TBC1D15: variants seen among roughly 807,000 people sequenced by gnomAD.
TBC1D15 encodes the protein TBC1 domain family member 15, also known as GAP for RAB7.
In TBC1D15, 39 loss-of-function variants were observed where a neutral mutation model predicts 95.4. That is an observed-to-expected ratio of 0.41 (90% CI 0.32 to 0.53). TBC1D15 has a LOEUF of 0.53. TBC1D15 is among the 20% of genes least tolerant of loss of function. The pLI is 0.29. For missense variants in TBC1D15, 733 were observed against 794.3 expected (o/e 0.92, Z 0.93); for synonymous variants, 258 against 261.3 (o/e 0.99, Z 0.12).
intron 3 of TBC1D15, among the ~76,000 whole-genome samples, chr12:71,877,335 GCTCTTTTAATATGGAA>G (rs1223003519): frequency 6.7e-6 from 1 of 150,142 alleles, no homozygotes; most frequent in Non-Finnish European, 1.5e-5. Context: ...TACTTGATGA[GCTCTTTTAATATGGAA>G]ACTTCTGTCT....
intron 12 of TBC1D15, among the ~76,000 whole-genome samples, chr12:71,915,658 T>G (rs1033952386): frequency 1.2e-4 from 19 of 152,028 alleles, no homozygotes; most frequent in African/African-American, 4.3e-4. Flanking sequence ...AGTCCGTCAT[T>G]TTTTGTGTAT....
Position 71,920,764 on chromosome 12 carries a change from C to A in TBC1D15, c.1633C>A (p.His545Asn). The A allele has an allele frequency of 6.2e-7, 1 of 1,612,646 alleles. No individual in the cohort carries two copies. The highest frequency in any genetic ancestry group is 8.5e-7 in the Non-Finnish European group (1 of 1,179,412). Residue 545 changes from histidine (H) to asparagine (N), a missense_variant, in exon 15 of 17, where the codon CAT (histidine) becomes AAT (asparagine). Transcript: ENST00000485960. Reference sequence around the variant, plus strand: ...GACCGAACTACCATGTACAAATTTCCATCTTCTTCTCTGTTGTGCTATTCT... The same window carrying A: ...GACCGAACTACCATGTACAAATTTCAATCTTCTTCTCTGTTGTGCTATTCT... ...MWTELPCTNFHLLLCCAILES... is the reference protein window; with the variant it reads ...MWTELPCTNFNLLLCCAILES...
intron 9 of TBC1D15, 26 bp downstream of exon 9, chr12:71,896,806 A>G: frequency 6.4e-7 from 1 of 1,574,352 alleles, no homozygotes. Flanking sequence ...TCGTACATTT[A>G]TCAAAGAGAT....
intron 6 of TBC1D15, among the ~76,000 whole-genome samples, chr12:71,894,162 G>C (rs1184956090): frequency 2.0e-5 from 3 of 152,014 alleles, no homozygotes. Flanking sequence ...GGGTAGCACT[G>C]TCCCAGAATA....
rs144688760 is a variant in TBC1D15, at chr12:71,907,113, C to T, written c.1275C>T (p.Thr425=). The T allele has an allele frequency of 2.5e-6, 4 of 1,603,946 alleles. No homozygotes were observed. The highest frequency in any genetic ancestry group is 3.4e-6 in the Non-Finnish European group (4 of 1,173,756). ...GLILLHDILM[T]YCMYDFDLGY... Reference sequence around the variant, plus strand: ...TTTTACTTCATGACATTTTGATGACCTACTGTATGTATGATTTTGATTTAG... The same window carrying T: ...TTTTACTTCATGACATTTTGATGACTTACTGTATGTATGATTTTGATTTAG... Residue 425 remains threonine (T), a synonymous_variant, in exon 11 of 17, where the codon ACC becomes ACT. Transcript: ENST00000485960.
chr12:71,854,856 A>G lies in TBC1D15; in HGVS notation c.30+15045A>G, dbSNP rs972678040. On this transcript the variant is annotated intron_variant, in intron 1 of 16. Coordinates refer to ENST00000485960, the MANE Select transcript of TBC1D15 (RefSeq NM_001146213.3). ...TTCTTCCCTTTCTTTTTCTCAAGGT[A>G]TATTTTTTCATTGTTGAATTTGTAT... is the stretch of plus-strand genomic sequence containing the variant. The G allele has an allele frequency of 6.6e-6, 3 of 456,266 alleles. No homozygotes were observed. The Admixed American group carries it at 7.1e-5, about 11-fold the overall frequency. The allele number at this position is 456,266 out of a possible 1,614,324, so 28.3% of individuals were successfully genotyped here.
At chr12:71,892,293 C>T (rs768420312) in intron 5 of TBC1D15, among the ~76,000 whole-genome samples, 12 of 152,054 alleles carry the variant, frequency 7.9e-5, no homozygotes, top group Non-Finnish European at 2.9e-5. Context: ...TTCATATCCA[C>T]TCTAGCATTA....
At position 71,894,672 on chromosome 12, in the gene TBC1D15, T is replaced by C; in HGVS notation, c.658-14T>C. 6.3e-7 allele frequency: 1 copy of C among 1,597,678 alleles called. No homozygotes were observed. The highest frequency in any genetic ancestry group is 8.5e-7 in the Non-Finnish European group (1 of 1,173,338). ...TGAGTTAATAATGCTAATATTTTTC[T>C]TCCTACTGCATAGAAAATTAAAAAG... is the stretch of plus-strand genomic sequence containing the variant. On this transcript the variant is annotated splice_polypyrimidine_tract_variant and intron_variant, in intron 6 of 16. Coordinates refer to ENST00000485960, the MANE Select transcript of TBC1D15 (RefSeq NM_001146213.3).
intron 11 of TBC1D15, 185 bp downstream of exon 11, chr12:71,907,323 A>G: frequency 2.5e-6 from 1 of 400,148 alleles, no homozygotes; most frequent in Non-Finnish European, 4.5e-6. Flanking sequence ...TGCTGCAGCA[A>G]ACTAACAGGA....
intron 1 of TBC1D15, among the ~76,000 whole-genome samples, chr12:71,844,914 G>A (rs1885932599): frequency 1.3e-5 from 2 of 152,128 alleles, no homozygotes; most frequent in Non-Finnish European, 2.9e-5. Flanking sequence ...CCAGCATGTG[G>A]TTGGTGCTCA....
At chr12:71,889,274 T>C (rs1440042417) in intron 5 of TBC1D15, among the ~76,000 whole-genome samples, 2 of 152,228 alleles carry the variant, frequency 1.3e-5, no homozygotes, top group African/African-American at 4.8e-5. Context: ...AAGTGACTAC[T>C]TCAAAAGCTG....
chr12:71,902,552 A>G (rs1592797773), intron 10 of TBC1D15, among the ~76,000 whole-genome samples: 1 of 152,188 alleles, frequency 6.6e-6, no homozygotes, highest in African/African-American at 2.4e-5. Context: ...CTGGACCCCT[A>G]CCTTTCACCA....
intron 1 of TBC1D15, 26 bp from the exon 2 acceptor site, chr12:71,872,044 G>T: frequency 9.0e-7 from 1 of 1,105,624 alleles, no homozygotes; most frequent in South Asian, 2.0e-5. Flanking sequence ...GAAATTATGT[G>T]ACTAACTTTA....
chr12:71,842,830 CAAAAAAA>C (rs58842371), intron 1 of TBC1D15, among the ~76,000 whole-genome samples: 1 of 84,842 alleles, frequency 1.2e-5, no homozygotes, highest in Non-Finnish European at 2.7e-5. Context: ...GACCCTGTCT[CAAAAAAA>C]AAAAAAAAAA....
intron 1 of TBC1D15, among the ~76,000 whole-genome samples, chr12:71,844,245 A>G (rs1885766393): frequency 6.6e-6 from 1 of 152,212 alleles, no homozygotes; most frequent in Admixed American, 6.5e-5. Context: ...TAGAAAAGGC[A>G]AATTTCTAGT....
intron 1 of TBC1D15, among the ~76,000 whole-genome samples, chr12:71,864,397 C>T (rs1891032943): frequency 6.6e-6 from 1 of 151,890 alleles, no homozygotes; most frequent in Non-Finnish European, 1.5e-5. Context: ...TGTGTGCCTC[C>T]ATTGATGTCC....
chr12:71,866,341 G>A (rs1050328380), intron 1 of TBC1D15, among the ~76,000 whole-genome samples: 4 of 152,200 alleles, frequency 2.6e-5, no homozygotes, highest in Non-Finnish European at 4.4e-5. Context: ...ATTTAGACTC[G>A]AGGCAGCTCC....
rs768829046 is a variant in TBC1D15 at position 71,839,808 on chromosome 12, G to C, written c.27G>C (p.Gly9=). ...TGGCGGCGGCGGGTGTTGTGAGCGGGAAGGTAGGTAACGGCCTCCAGGAAG... is the reference window on the plus strand; with the variant it reads ...TGGCGGCGGCGGGTGTTGTGAGCGGCAAGGTAGGTAACGGCCTCCAGGAAG... MAAAGVVS[G]KIIYEQEGVY... is the part of the protein sequence containing the mutation. The change falls in exon 1 of 17, where the codon GGG becomes GGC. Residue 9 remains glycine (G), a synonymous_variant. Transcript: ENST00000485960. The C allele has an allele frequency of 5.6e-6, 9 of 1,614,080 alleles. No individual in the cohort carries two copies. The Admixed American group carries it at 1.5e-4, about 27-fold the overall frequency.
chr12:71,910,521 A>G (rs1901968442), intron 11 of TBC1D15, among the ~76,000 whole-genome samples: 1 of 151,752 alleles, frequency 6.6e-6, no homozygotes, highest in South Asian at 2.1e-4. Flanking sequence ...ATTTGTTTAT[A>G]TCCTCTTTTA....
Sources: gnomAD v4.1 joint callset for allele counts (sites outside exome capture counted in the v4.1 genomes callset) on GRCh38, gnomAD v4.1.1 for gene constraint, MANE v1.5 for transcripts, NCBI Gene and HGNC (gene_info 2026-07-23, HGNC 2026-07-21) for gene names.